PTPRJ: variants seen among roughly 807,000 people sequenced by gnomAD.
PTPRJ encodes the protein protein tyrosine phosphatase receptor type J.
A neutral mutation model predicts 141.3 loss-of-function variants in PTPRJ; 129 were observed. The observed-to-expected ratio is 0.91, with a 90% CI of 0.79 to 1.06. PTPRJ has a LOEUF of 1.06. Among genes scored for constraint, PTPRJ ranks in the 50% least tolerant of loss-of-function variants. The pLI, the probability that PTPRJ is intolerant of heterozygous loss-of-function variation, is 0.00. For missense variants in PTPRJ, 1,601 were observed against 1,679.7 expected (o/e 0.95, Z 0.82); for synonymous variants, 610 against 640.5 (o/e 0.95, Z 0.72).
intron 1 of PTPRJ, among the ~76,000 whole-genome samples, chr11:47,991,438 T>C (rs1854190507): frequency 6.6e-6 from 1 of 152,194 alleles, no homozygotes; most frequent in Non-Finnish European, 1.5e-5. Flanking sequence ...TGGGAAAGTT[T>C]AAAGACATAA....
intron 1 of PTPRJ, among the ~76,000 whole-genome samples, chr11:48,104,253 G>C (rs966241740): frequency 6.6e-6 from 1 of 152,140 alleles, no homozygotes; most frequent in African/African-American, 2.4e-5. Context: ...TGGCTTCTGG[G>C]TTCAGTGGGA....
At chr11:48,024,814 TCC>T (rs2134216569) in intron 1 of PTPRJ, among the ~76,000 whole-genome samples, 1 of 152,316 alleles carries the variant, frequency 6.6e-6, no homozygotes, top group East Asian at 1.9e-4. Context: ...TTTTTCCAGC[TCC>T]CCAGGCCTAG....
chr11:48,124,903 G>A (rs1266196747), intron 5 of PTPRJ, 65 bp from the exon 6 acceptor site: 6 of 1,536,290 alleles, frequency 3.9e-6, no homozygotes, highest in Admixed American at 3.4e-5. Context: ...TTGGGGCTCC[G>A]AAGGAAAATG....
chr11:48,123,514 T>G, intron 4 of PTPRJ, 99 bp from the exon 5 acceptor site: 1 of 1,294,010 alleles, frequency 7.7e-7, no homozygotes, highest in Non-Finnish European at 1.0e-6. Context: ...TTTCTTTTTT[T>G]CTTTTAAAAC....
At chr11:48,145,492 T>G (rs1857328279) in intron 14 of PTPRJ, among the ~76,000 whole-genome samples, 1 of 152,218 alleles carries the variant, frequency 6.6e-6, no homozygotes, top group Non-Finnish European at 1.5e-5. Flanking sequence ...ATTGTCTTGT[T>G]CAATCCTCTG....
intron 1 of PTPRJ, among the ~76,000 whole-genome samples, chr11:47,983,221 T>G (rs967597191): frequency 6.6e-6 from 1 of 152,220 alleles, no homozygotes; most frequent in Non-Finnish European, 1.5e-5. Context: ...TTGATCTTAC[T>G]TTTAATGATA....
At chr11:48,109,617 G>A (rs984502701) in intron 1 of PTPRJ, among the ~76,000 whole-genome samples, 5 of 152,150 alleles carry the variant, frequency 3.3e-5, no homozygotes, top group African/African-American at 1.2e-4. Flanking sequence ...CTGGGAAATG[G>A]GTCTGGGGAA....
intron 1 of PTPRJ, among the ~76,000 whole-genome samples, chr11:48,080,770 C>T (rs1246270368): frequency 6.6e-6 from 1 of 152,204 alleles, no homozygotes; most frequent in Non-Finnish European, 1.5e-5. Context: ...GGATTGAATT[C>T]CTCCACCTTT....
At position 48,163,566 on chromosome 11, in the gene PTPRJ, C is replaced by A. The variant is rs746784211; in HGVS notation, c.3667C>A (p.Arg1223Ser). ...GCTCATCAACTTCCGGTACCTCGTT[C>A]GTGACTACATGAAGCAGAGTCCTCC... is the stretch of plus-strand genomic sequence containing the variant. ...DLLINFRYLV[R>S]DYMKQSPPES... Residue 1223 changes from arginine to serine, a missense_variant, in exon 23 of 25, where the codon CGT (arginine) becomes AGT (serine). By Grantham distance (110) the Arg-to-Ser change is moderately radical. Transcript: ENST00000418331. 1 of 1,613,984 alleles carries A rather than the reference C, an allele frequency of 6.2e-7. No individual in the cohort carries two copies. Among genetic ancestry groups the A allele is most frequent in the Non-Finnish European group, 8.5e-7 (1 of 1,179,846 alleles).
chr11:48,032,027 G>C (rs1853997648), intron 1 of PTPRJ, among the ~76,000 whole-genome samples: 1 of 152,216 alleles, frequency 6.6e-6, no homozygotes, highest in Non-Finnish European at 1.5e-5. Context: ...AGGATGAAAT[G>C]AAGTAACTGC....
At chr11:48,136,920 G>A (rs1207412427) in intron 9 of PTPRJ, 83 bp from the exon 10 acceptor site, 1 of 1,362,752 alleles carries the variant, frequency 7.3e-7, no homozygotes, top group African/African-American at 1.5e-5. Context: ...AAACGAGCCA[G>A]GCTATTTTTG....
chr11:48,064,899 G>A (rs538577221), intron 1 of PTPRJ, among the ~76,000 whole-genome samples: 28 of 151,606 alleles, frequency 1.8e-4, no homozygotes, highest in Non-Finnish European at 3.7e-4. Context: ...AGGATTACAG[G>A]CGTGAGCCAC....
intron 1 of PTPRJ, among the ~76,000 whole-genome samples, chr11:48,010,692 C>T (rs978587382): frequency 2.0e-5 from 3 of 151,416 alleles, no homozygotes; most frequent in East Asian, 1.9e-4. Context: ...CATGCCACCA[C>T]GCCCAGGTAA....
At chr11:48,091,495 G>A (rs1290325737) in intron 1 of PTPRJ, among the ~76,000 whole-genome samples, 1 of 152,206 alleles carries the variant, frequency 6.6e-6, no homozygotes, top group East Asian at 1.9e-4. Context: ...CTCTTGTTTA[G>A]TTAGGGGTGT....
chr11:48,137,173 G>C lies in PTPRJ; in HGVS notation c.2044G>C (p.Ala682Pro). The C allele has an allele frequency of 6.2e-7, 1 of 1,612,880 alleles. No homozygotes were observed. Among genetic ancestry groups the C allele is most frequent in the South Asian group, 1.1e-5 (1 of 91,048 alleles). ...AGTCACGGACATTGGAATTACTGACGCTACAGTCACTGAATTAATACCTGG... is the reference window on the plus strand; with the variant it reads ...AGTCACGGACATTGGAATTACTGACCCTACAGTCACTGAATTAATACCTGG... ...QVVTDIGITD[A>P]TVTELIPGSS... Residue 682 changes from alanine to proline, a missense_variant, in exon 10 of 25, where the codon GCT becomes CCT. Coordinates refer to ENST00000418331, the MANE Select transcript of PTPRJ (RefSeq NM_002843.4).
At chr11:48,101,329 C>G (rs750916246) in intron 1 of PTPRJ, among the ~76,000 whole-genome samples, 1 of 152,190 alleles carries the variant, frequency 6.6e-6, no homozygotes, top group South Asian at 2.1e-4. Flanking sequence ...CTGTCCTCCT[C>G]ACCTCTGTAG....
intron 1 of PTPRJ, among the ~76,000 whole-genome samples, chr11:48,053,286 TAA>T (rs1269496214): frequency 1.1e-5 from 1 of 90,060 alleles, no homozygotes; most frequent in South Asian, 2.5e-4. Flanking sequence ...TATAAATATA[TAA>T]AAATATATAA....
chr11:48,036,375 T>C (rs1294996118), intron 1 of PTPRJ, among the ~76,000 whole-genome samples: 2 of 152,246 alleles, frequency 1.3e-5, no homozygotes, highest in East Asian at 1.9e-4. Flanking sequence ...CTGCTCTTCT[T>C]GAATTGCTCC....
In PTPRJ at chr11:48,042,001, G is replaced by GGA. The variant is rs150592572; in HGVS notation, c.96+61009_96+61010dup. ...TTGAGGTGGGGGGTGGGTGGGGGGT[G>GGA]GAGAGAGAGAGAGAGAGGAAGGCTT... On this transcript the variant is annotated intron_variant, in intron 1 of 24. Transcript: ENST00000418331. Among the ~76,000 whole-genome samples, 85 of 144,844 alleles carry GGA rather than the reference G, an allele frequency of 5.9e-4. 1 individual carries two copies. The highest frequency in any genetic ancestry group is 1.9e-3 in the African/African-American group (74 of 39,466).
Sources: gnomAD v4.1 joint callset for allele counts (sites outside exome capture counted in the v4.1 genomes callset) on GRCh38, gnomAD v4.1.1 for gene constraint, MANE v1.5 for transcripts, NCBI Gene and HGNC (gene_info 2026-07-23, HGNC 2026-07-21) for gene names.